The following CADM2 variants were observed in gnomAD, a reference collection of about 807,000 sequenced individuals.
The protein encoded by CADM2 is cell adhesion molecule 2, also known as immunoglobulin superfamily member 4D.
A neutral mutation model predicts 49.8 loss-of-function variants in CADM2; 12 were observed. The ratio of observed to expected loss-of-function variants is 0.24; its 90% CI spans 0.15 to 0.39. The LOEUF (loss-of-function observed/expected upper bound fraction) is 0.39, where lower values mean the gene tolerates loss of function less well. Ranked by LOEUF, CADM2 falls within the 10% of genes least tolerant of loss-of-function variation. The probability of loss-of-function intolerance (pLI) is 1.00; values close to 1 mark genes in which losing one functional copy is unlikely to be tolerated. For synonymous variants in CADM2, 214 were observed against 175.4 expected (o/e 1.22, Z -1.74); for missense variants, 378 against 492.3 (o/e 0.77, Z 2.20).
intron 2 of CADM2, among the ~76,000 whole-genome samples, chr3:85,736,622 CT>C (rs2068150379): frequency 1.3e-5 from 2 of 151,910 alleles, no homozygotes; most frequent in African/African-American, 4.8e-5. Context: ...ACAGGGTTTT[CT>C]TTTTTCTGTT....
chr3:85,112,649 C>A (rs2038502355), intron 1 of CADM2, among the ~76,000 whole-genome samples: 1 of 151,740 alleles, frequency 6.6e-6, no homozygotes, highest in Non-Finnish European at 1.5e-5. Context: ...CTGAAAATTT[C>A]TATTCCAAAA....
chr3:85,340,976 T>C (rs2045224603), intron 1 of CADM2, among the ~76,000 whole-genome samples: 1 of 151,848 alleles, frequency 6.6e-6, no homozygotes, highest in East Asian at 1.9e-4. Context: ...AAGCATTTTA[T>C]TAGAAGTCTA....
At chr3:85,896,637 T>C (rs576568799) in intron 5 of CADM2, among the ~76,000 whole-genome samples, 1 of 152,316 alleles carries the variant, frequency 6.6e-6, no homozygotes, top group South Asian at 2.1e-4. Context: ...ATTTACTTAT[T>C]ATATACCGTG....
intron 1 of CADM2, among the ~76,000 whole-genome samples, chr3:85,636,528 T>C (rs1472039805): frequency 6.6e-6 from 1 of 152,010 alleles, no homozygotes; most frequent in South Asian, 2.1e-4. Flanking sequence ...AGATAGAAAA[T>C]TTAAAAAATA....
intron 8 of CADM2, among the ~76,000 whole-genome samples, chr3:85,977,269 G>A (rs1298581792): frequency 6.6e-6 from 1 of 151,118 alleles, no homozygotes. Flanking sequence ...TTTCTTATTA[G>A]AATAAGATCC....
intron 8 of CADM2, 75 bp downstream of exon 8, chr3:85,961,722 T>A: frequency 8.9e-7 from 1 of 1,124,076 alleles, no homozygotes; most frequent in Non-Finnish European, 1.2e-6. Flanking sequence ...ATCAGAATTT[T>A]AAGTGCAGTG....
At chr3:85,725,326 T>C (rs1314686448) in intron 1 of CADM2, among the ~76,000 whole-genome samples, 1 of 151,906 alleles carries the variant, frequency 6.6e-6, no homozygotes, top group African/African-American at 2.4e-5. Context: ...TTTTTTTAGC[T>C]CCAGGCAACT....
chr3:85,222,091 G>T (rs371717200), intron 1 of CADM2, among the ~76,000 whole-genome samples: 7 of 152,024 alleles, frequency 4.6e-5, no homozygotes, highest in Admixed American at 2.0e-4. Flanking sequence ...GTTTTTTGTC[G>T]TCGTTTTTGT....
intron 1 of CADM2, among the ~76,000 whole-genome samples, chr3:85,254,498 C>T (rs935360768): frequency 2.6e-5 from 4 of 152,062 alleles, no homozygotes; most frequent in Admixed American, 2.6e-4. Flanking sequence ...TTGGTCATTC[C>T]CGTGACCTGC....
At chr3:85,753,174 G>A (rs570331423) in intron 2 of CADM2, among the ~76,000 whole-genome samples, 15 of 152,186 alleles carry the variant, frequency 9.9e-5, no homozygotes, top group African/African-American at 2.6e-4. Context: ...TGTATGGTTC[G>A]TATCTAATAT....
At chr3:85,447,003 T>A (rs866221174) in intron 1 of CADM2, among the ~76,000 whole-genome samples, 2 of 127,680 alleles carry the variant, frequency 1.6e-5, no homozygotes, top group African/African-American at 6.5e-5. Flanking sequence ...TATATATATA[T>A]ATATATATAT....
At chr3:86,025,196 C>T (rs1385857441) in intron 8 of CADM2, among the ~76,000 whole-genome samples, 2 of 151,974 alleles carry the variant, frequency 1.3e-5, no homozygotes, top group Non-Finnish European at 2.9e-5. Flanking sequence ...GCTGGGACTA[C>T]AGGCGCCCGC....
intron 1 of CADM2, among the ~76,000 whole-genome samples, chr3:85,119,497 T>C (rs1432154213): frequency 8.5e-5 from 13 of 152,202 alleles, no homozygotes; most frequent in Non-Finnish European, 1.8e-4. Context: ...TTTGGTTCCA[T>C]ATGAAATTTA....
intron 1 of CADM2, among the ~76,000 whole-genome samples, chr3:85,182,577 A>G (rs992586034): frequency 6.6e-6 from 1 of 152,078 alleles, no homozygotes; most frequent in African/African-American, 2.4e-5. Context: ...AGGTAACTAG[A>G]TGTAACATTG....
chr3:86,045,689 T>C (rs1322983591), intron 8 of CADM2, among the ~76,000 whole-genome samples: 1 of 152,140 alleles, frequency 6.6e-6, no homozygotes, highest in East Asian at 1.9e-4. Flanking sequence ...ATGTTGTTTT[T>C]TAGCTCAAGA....
intron 1 of CADM2, among the ~76,000 whole-genome samples, chr3:85,612,927 T>A (rs1261353251): frequency 6.6e-6 from 1 of 151,806 alleles, no homozygotes; most frequent in Admixed American, 6.6e-5. Flanking sequence ...TAATTTTCAC[T>A]GTGACCACTC....
At chr3:85,574,051 C>T (rs2062559552) in intron 1 of CADM2, among the ~76,000 whole-genome samples, 1 of 152,196 alleles carries the variant, frequency 6.6e-6, no homozygotes, top group Non-Finnish European at 1.5e-5. Flanking sequence ...TCTATGCCTC[C>T]TTCCTCCTCA....
chr3:85,452,633 C>T (rs569533343), intron 1 of CADM2, among the ~76,000 whole-genome samples: 6 of 152,122 alleles, frequency 3.9e-5, no homozygotes, highest in Middle Eastern at 3.4e-3. Context: ...TTTGAAAGAG[C>T]TTTTTGCAAA....
chr3:85,077,693 A>G (rs747654526), intron 1 of CADM2, among the ~76,000 whole-genome samples: 16 of 152,132 alleles, frequency 1.1e-4, no homozygotes, highest in Non-Finnish European at 2.1e-4. Flanking sequence ...CTTAAAATAC[A>G]TTCTCGAAAT....
Sources: allele counts gnomAD v4.1 joint callset (sites outside exome capture counted in the v4.1 genomes callset), GRCh38; gene constraint gnomAD v4.1.1; transcripts MANE v1.5; gene names NCBI Gene and HGNC (gene_info 2026-07-23, HGNC 2026-07-21).